Variants in APP observed in about 807,000 individuals in gnomAD.
APP encodes the protein amyloid-beta precursor protein.
A neutral mutation model predicts 101.4 loss-of-function variants in APP; 31 were observed. The ratio of observed to expected loss-of-function variants is 0.31; its 90% CI spans 0.23 to 0.41. The LOEUF (loss-of-function observed/expected upper bound fraction) is 0.41, where lower values mean the gene tolerates loss of function less well. Among genes scored for constraint, APP ranks in the 10% least tolerant of loss-of-function variants. APP has a pLI of 1.00. For missense variants in APP, 839 were observed against 1,003.7 expected (o/e 0.84, Z 2.22); for synonymous variants, 366 against 364.4 (o/e 1.00, Z -0.05).
chr21:25,899,681 C>T (rs1324432119), intron 15 of APP, among the ~76,000 whole-genome samples: 2 of 152,188 alleles, frequency 1.3e-5, no homozygotes, highest in African/African-American at 2.4e-5. Context: ...AACCACATGA[C>T]GGACACTGTG....
intron 8 of APP, among the ~76,000 whole-genome samples, chr21:25,983,294 A>G (rs2042510407): frequency 6.6e-6 from 1 of 152,236 alleles, no homozygotes; most frequent in South Asian, 2.1e-4. Flanking sequence ...AAAAGAAAAA[A>G]GAATTTTGAC....
At chr21:26,164,472 T>G (rs891015667) in intron 1 of APP, among the ~76,000 whole-genome samples, 1 of 152,214 alleles carries the variant, frequency 6.6e-6, no homozygotes, top group African/African-American at 2.4e-5. Flanking sequence ...TACTGAAAAC[T>G]AAACCAAGTC....
In APP at chr21:26,050,985, C is replaced by G. The variant is rs763867547; in HGVS notation, c.662+15G>C. 2 of 1,613,984 alleles carry G rather than the reference C, an allele frequency of 1.2e-6. No individual in the cohort carries two copies. The highest frequency in any genetic ancestry group is 1.7e-6 in the Non-Finnish European group (2 of 1,179,950). On this transcript the variant is annotated intron_variant, in intron 5 of 17. Coordinates refer to ENST00000346798, the MANE Select transcript of APP (RefSeq NM_000484.4). ...GTTTCAGCATCTCTGAGGCTGAACA[C>G]AAAGGCCACCTTACCTCCCATCTGC...
Position 26,000,040 on chromosome 21 carries a change from G to A in APP, c.1008C>T (p.Tyr336=), listed in dbSNP as rs772676633. 6.2e-6 allele frequency: 10 copies of A among 1,613,982 alleles called. No individual in the cohort carries two copies. The highest frequency in any genetic ancestry group is 8.5e-6 in the Non-Finnish European group (10 of 1,180,022). Residue 336 remains tyrosine (Y), a synonymous_variant, in exon 7 of 18, where the codon TAC becomes TAT. Coordinates refer to ENST00000346798, the MANE Select transcript of APP (RefSeq NM_000484.4). ...GNRNNFDTEE[Y]CMAVCGSAMS... is the part of the protein sequence containing the mutation. ...TGGCGCTGCCACACACGGCCATGCAGTACTCTTCTGTGTCAAAGTTGTTCC... is the reference window on the plus strand; with the variant it reads ...TGGCGCTGCCACACACGGCCATGCAATACTCTTCTGTGTCAAAGTTGTTCC...
intron 13 of APP, among the ~76,000 whole-genome samples, chr21:25,915,430 G>C (rs971982082): frequency 5.3e-5 from 8 of 152,200 alleles, no homozygotes; most frequent in Non-Finnish European, 1.2e-4. Context: ...GTAAGCACCA[G>C]TGCTGAAATC....
intron 6 of APP, among the ~76,000 whole-genome samples, chr21:26,000,655 C>T (rs1301355892): frequency 6.6e-6 from 1 of 152,120 alleles, no homozygotes; most frequent in Non-Finnish European, 1.5e-5. Flanking sequence ...AAATTAATTG[C>T]ATATATTTTG....
chr21:26,032,787 T>G (rs1242128476), intron 5 of APP, among the ~76,000 whole-genome samples: 1 of 86,596 alleles, frequency 1.2e-5, no homozygotes. Context: ...TGGGGCTTAT[T>G]ATTTTAGAAA....
At chr21:26,141,708 T>C (rs377097458) in intron 1 of APP, among the ~76,000 whole-genome samples, 20 of 152,374 alleles carry the variant, frequency 1.3e-4, no homozygotes, top group African/African-American at 4.8e-4. Flanking sequence ...GGCTGTATTA[T>C]TTCTTTTACG....
intron 2 of APP, among the ~76,000 whole-genome samples, chr21:26,111,333 C>A (rs775621636): frequency 6.6e-6 from 1 of 151,960 alleles, no homozygotes; most frequent in Non-Finnish European, 1.5e-5. Flanking sequence ...CAAACAGATA[C>A]AAATGAACTA....
At chr21:25,998,581 A>G (rs1010814428) in intron 7 of APP, among the ~76,000 whole-genome samples, 1 of 152,082 alleles carries the variant, frequency 6.6e-6, no homozygotes, top group African/African-American at 2.4e-5. Flanking sequence ...GTTTTGCTTA[A>G]TCCTAAGATC....
At chr21:26,041,383 C>G (rs922026245) in intron 5 of APP, among the ~76,000 whole-genome samples, 5 of 152,142 alleles carry the variant, frequency 3.3e-5, no homozygotes, top group African/African-American at 1.2e-4. Flanking sequence ...TGCCAGAGAC[C>G]AGTTAAAATC....
rs777163427 is a variant in APP at position 26,021,877 on chromosome 21, G to C, written c.828C>G (p.Thr276=). The C allele has an allele frequency of 9.9e-6, 16 of 1,613,720 alleles. No individual in the cohort carries two copies. Among genetic ancestry groups the C allele is most frequent in the Non-Finnish European group, 1.3e-5 (15 of 1,179,960 alleles). ...CTTCCACAGACTCTGTGGTGGTGGTGGTGGTGGTGGCAATGCTGGTGGTTC... is the reference window on the plus strand; with the variant it reads ...CTTCCACAGACTCTGTGGTGGTGGTCGTGGTGGTGGCAATGCTGGTGGTTC... ...TERTTSIATT[T]TTTTESVEEV... The change falls in exon 6 of 18, where the codon ACC becomes ACG. Residue 276 remains threonine (T), a synonymous_variant. Coordinates refer to ENST00000346798, the MANE Select transcript of APP (RefSeq NM_000484.4).
intron 13 of APP, among the ~76,000 whole-genome samples, chr21:25,927,048 T>C: frequency 7.0e-6 from 1 of 143,304 alleles, no homozygotes. Context: ...AACCCATCTA[T>C]CATCACAAGC....
At chr21:25,980,285 C>T (rs896145979) in intron 9 of APP, among the ~76,000 whole-genome samples, 3 of 152,156 alleles carry the variant, frequency 2.0e-5, no homozygotes, top group Non-Finnish European at 2.9e-5. Flanking sequence ...TCTTTTTTTA[C>T]GACTTCATGT....
intron 5 of APP, among the ~76,000 whole-genome samples, chr21:26,023,894 G>A (rs1333871953): frequency 6.6e-6 from 1 of 152,204 alleles, no homozygotes; most frequent in Non-Finnish European, 1.5e-5. Flanking sequence ...AATGGCAAGA[G>A]ATAACCAGTA....
Position 26,036,416 on chromosome 21 carries a change from C to T in APP, c.663-14374G>A, listed in dbSNP as rs180841956. On this transcript the variant is annotated intron_variant, in intron 5 of 17. Transcript: ENST00000346798. ...TGGCAAAGGTAACCAATTCTAAGAA[C>T]TTACTAATCTTAAGGTGATTTATAG... is the stretch of plus-strand genomic sequence containing the variant. Among the ~76,000 whole-genome samples the T allele has an allele frequency of 8.5e-4, 130 of 152,222 alleles. 1 individual carries two copies. The highest frequency in any genetic ancestry group is 2.9e-3 in the African/African-American group (122 of 41,534).
At chr21:26,001,112 A>G (rs2043275126) in intron 6 of APP, among the ~76,000 whole-genome samples, 1 of 152,176 alleles carries the variant, frequency 6.6e-6, no homozygotes, top group Admixed American at 6.5e-5. Flanking sequence ...GAATGTTCCA[A>G]ACAATAAAAC....
rs114192557 is a variant in APP, at chr21:25,886,834, C to T, written c.2211+4888G>A. Among the ~76,000 whole-genome samples, 313 of 152,292 alleles carry T rather than the reference C, an allele frequency of 2.1e-3. 3 individuals carry two copies. Among genetic ancestry groups the T allele is most frequent in the African/African-American group, 6.6e-3 (274 of 41,556 alleles). On this transcript the variant is annotated intron_variant, in intron 17 of 17. Transcript: ENST00000346798. The stretch of plus-strand genomic sequence containing the variant: ...TCAACCTGACCACTCTCTCCAACTA[C>T]TCTACAATGCCAACGTCAGTGCGTC...
intron 13 of APP, among the ~76,000 whole-genome samples, chr21:25,937,150 A>C (rs375790275): frequency 1.3e-5 from 2 of 152,258 alleles, no homozygotes; most frequent in African/African-American, 4.8e-5. Flanking sequence ...GAAAAATCCA[A>C]ACAGCTTCCC....
Sources: gnomAD v4.1 joint callset for allele counts (sites outside exome capture counted in the v4.1 genomes callset) on GRCh38, gnomAD v4.1.1 for gene constraint, MANE v1.5 for transcripts, NCBI Gene and HGNC (gene_info 2026-07-23, HGNC 2026-07-21) for gene names.